Variants in NRF1 observed in about 807,000 individuals in gnomAD.
NRF1 encodes the protein nuclear respiratory factor 1, also known as alpha palindromic-binding protein.
In NRF1, 5 loss-of-function variants were observed where a neutral mutation model predicts 58.5. The observed-to-expected ratio is 0.09, with a 90% CI of 0.04 to 0.18. The LOEUF (loss-of-function observed/expected upper bound fraction) is 0.18, where lower values mean the gene tolerates loss of function less well. Among genes scored for constraint, NRF1 ranks in the 10% least tolerant of loss-of-function variants. NRF1 has a pLI of 1.00. For synonymous variants in NRF1, 224 were observed against 246.7 expected, an observed-to-expected ratio of 0.91 and a Z score of 0.86; for missense variants, 288 against 657.7, an observed-to-expected ratio of 0.44 and a Z score of 6.15.
Position 129,755,091 on chromosome 7 carries a change from G to T in NRF1, c.1422G>T (p.Gln474His). 1 of 1,613,974 alleles carries T rather than the reference G, an allele frequency of 6.2e-7. No homozygotes were observed. The highest frequency in any genetic ancestry group is 1.7e-5 in the Admixed American group (1 of 59,990). ...TSLAQGNGPVQVAMAPVTTRI... is the reference protein window; with the variant it reads ...TSLAQGNGPVHVAMAPVTTRI... ...TCGCCCAGGGCAACGGACCAGTGCA[G>T]GTGGCCATGGCCCCTGTGACCACCA... is the stretch of plus-strand genomic sequence containing the variant. The change falls in exon 11 of 11, where the codon CAG (glutamine) becomes CAT (histidine). Residue 474 changes from glutamine to histidine, a missense_variant. By Grantham distance (24) the Gln-to-His change is conservative. Transcript: ENST00000393232. The surrounding 1 kb of genome is among the most constrained non-coding windows in gnomAD (Gnocchi z 5.8).
In NRF1 at chr7:129,690,132, A is replaced by G. The variant is rs543597599; in HGVS notation, c.466-274A>G. Among the ~76,000 whole-genome samples the G allele has an allele frequency of 3.3e-5, 5 of 152,304 alleles. No homozygotes were observed. The East Asian group carries it at 9.6e-4, about 29-fold the overall frequency. On this transcript the variant is annotated intron_variant, in intron 4 of 10. Coordinates refer to ENST00000393232, the MANE Select transcript of NRF1 (RefSeq NM_005011.5). Reference sequence around the variant, plus strand: ...AGGCAATGGCACCCTCATTGAGAAAATGTGATTTTGACTAAGAAGCAGTAT... The same window carrying G: ...AGGCAATGGCACCCTCATTGAGAAAGTGTGATTTTGACTAAGAAGCAGTAT...
intron 6 of NRF1, 124 bp downstream of exon 6, chr7:129,709,357 A>C: frequency 1.4e-6 from 1 of 693,972 alleles, no homozygotes. Context: ...TGTCCCTCCA[A>C]AGACTGATAT....
intron 8 of NRF1, among the ~76,000 whole-genome samples, chr7:129,713,888 G>GC (rs964619768): frequency 1.3e-5 from 2 of 152,220 alleles, no homozygotes; most frequent in Admixed American, 1.3e-4. Context: ...GTCAAAGAGA[G>GC]CAACACATTC....
At chr7:129,661,194 C>T (rs1004480956) in intron 2 of NRF1, among the ~76,000 whole-genome samples, 2 of 151,290 alleles carry the variant, frequency 1.3e-5, no homozygotes, top group African/African-American at 4.9e-5. Context: ...GGACCCTGGG[C>T]CCAGCCCTTG....
intron 10 of NRF1, among the ~76,000 whole-genome samples, chr7:129,735,471 G>C (rs557208293): frequency 6.6e-6 from 1 of 151,266 alleles, no homozygotes; most frequent in Non-Finnish European, 1.5e-5. Flanking sequence ...CAGAGGTTGC[G>C]GTGAGCCAAG....
intron 1 of NRF1, among the ~76,000 whole-genome samples, chr7:129,622,189 T>C (rs1244852324): frequency 2.0e-5 from 3 of 152,190 alleles, no homozygotes; most frequent in Non-Finnish European, 2.9e-5. Flanking sequence ...ATACCTTCCA[T>C]TGTTTTTCAA....
chr7:129,618,203 GTGA>G (rs34001638), intron 1 of NRF1, among the ~76,000 whole-genome samples: 43,474 of 151,884 alleles, frequency 0.29, 7,942 homozygotes, highest in Non-Finnish European at 0.42. Flanking sequence ...TGGTTATTGG[GTGA>G]TGATGATGCC....
chr7:129,668,003 AG>A (rs1268607839), intron 2 of NRF1, among the ~76,000 whole-genome samples: 1 of 152,086 alleles, frequency 6.6e-6, no homozygotes, highest in Admixed American at 6.6e-5. Flanking sequence ...GGCCTCAAGC[AG>A]TCCTCCTGCC....
At chr7:129,623,521 A>T (rs978347786) in intron 1 of NRF1, among the ~76,000 whole-genome samples, 1 of 152,206 alleles carries the variant, frequency 6.6e-6, no homozygotes, top group Non-Finnish European at 1.5e-5. Flanking sequence ...TGTAAAGAAT[A>T]ACTGGAACTT....
At chr7:129,623,612 C>T (rs1380038710) in intron 1 of NRF1, among the ~76,000 whole-genome samples, 3 of 152,102 alleles carry the variant, frequency 2.0e-5, no homozygotes, top group Admixed American at 6.5e-5. Context: ...TTCCTGCCTA[C>T]TCATTTAATT....
chr7:129,726,312 A>G (rs139134306), intron 9 of NRF1, among the ~76,000 whole-genome samples: 2 of 152,276 alleles, frequency 1.3e-5, no homozygotes, highest in East Asian at 3.9e-4. Flanking sequence ...TAATCTTACA[A>G]TTGTCAGGAA....
intron 10 of NRF1, among the ~76,000 whole-genome samples, chr7:129,731,752 C>T (rs1286413937): frequency 1.3e-5 from 2 of 152,022 alleles, no homozygotes; most frequent in African/African-American, 4.8e-5. Context: ...ACCACAGGTG[C>T]GCACTGCCAC....
At chr7:129,706,180 G>A (rs571575724) in intron 5 of NRF1, among the ~76,000 whole-genome samples, 1 of 152,352 alleles carries the variant, frequency 6.6e-6, no homozygotes, top group African/African-American at 2.4e-5. Flanking sequence ...GGAACTGACT[G>A]TAGTGTGAGG....
intron 1 of NRF1, among the ~76,000 whole-genome samples, chr7:129,614,610 C>G (rs1800624510): frequency 6.6e-6 from 1 of 152,066 alleles, no homozygotes; most frequent in Admixed American, 6.6e-5. Flanking sequence ...TGCCACCGTG[C>G]TGGCAGTGGC....
rs1224721078 is a variant in NRF1, at chr7:129,716,998, ATTTC to A, written c.1066-218_1066-215del. Among the ~76,000 whole-genome samples the A allele has an allele frequency of 2.0e-5, 3 of 152,162 alleles. No homozygotes were observed. In the East Asian group the frequency reaches 5.8e-4, roughly 29 times the overall value. On this transcript the variant is annotated intron_variant, in intron 8 of 10. Transcript: ENST00000393232. Reference sequence around the variant, plus strand: ...AGTGGCTTTTGTGTGTCCTTCCAGAATTTCTTCATGCAAATGCAAGCAAATTCAG... The same window carrying A: ...AGTGGCTTTTGTGTGTCCTTCCAGAATTCATGCAAATGCAAGCAAATTCAG...
intron 10 of NRF1, among the ~76,000 whole-genome samples, chr7:129,747,847 G>C (rs1387965566): frequency 6.6e-6 from 1 of 152,218 alleles, no homozygotes; most frequent in Non-Finnish European, 1.5e-5. Flanking sequence ...TGTTAAGGCT[G>C]TTTGGTCTGT....
chr7:129,634,256 A>G (rs1037878596), intron 1 of NRF1, among the ~76,000 whole-genome samples: 2 of 152,074 alleles, frequency 1.3e-5, no homozygotes, highest in African/African-American at 4.8e-5. Flanking sequence ...ATTCAAGTTC[A>G]TTCTGTGTGT....
chr7:129,692,954 T>A (rs1349750916), intron 5 of NRF1, among the ~76,000 whole-genome samples: 1 of 152,230 alleles, frequency 6.6e-6, no homozygotes, highest in African/African-American at 2.4e-5. Context: ...ACCAAGCCAC[T>A]AATACATCCT....
chr7:129,666,932 G>C (rs1220547410), intron 2 of NRF1, among the ~76,000 whole-genome samples: 1 of 152,170 alleles, frequency 6.6e-6, no homozygotes, highest in Non-Finnish European at 1.5e-5. Flanking sequence ...CAGAATAAAT[G>C]AGTACACATA....
Sources: allele counts gnomAD v4.1 joint callset (sites outside exome capture counted in the v4.1 genomes callset), GRCh38; gene constraint gnomAD v4.1.1; non-coding constraint Gnocchi (gnomAD v3.1); transcripts MANE v1.5; gene names NCBI Gene and HGNC (gene_info 2026-07-23, HGNC 2026-07-21).